Variants in EPB41L5 observed in about 807,000 individuals in gnomAD.
EPB41L5 encodes band 4.1-like protein 5.
EPB41L5 carries 55 observed loss-of-function variants against 106.6 expected under a neutral mutation model. The ratio of observed to expected loss-of-function variants is 0.52; its 90% CI spans 0.42 to 0.65. EPB41L5 has a LOEUF of 0.65. Ranked by LOEUF, EPB41L5 falls within the 30% of genes least tolerant of loss-of-function variation. The probability of loss-of-function intolerance (pLI) is 0.00; values close to 1 mark genes in which losing one functional copy is unlikely to be tolerated. For missense variants in EPB41L5, 871 were observed against 882.1 expected (o/e 0.99, Z 0.16); for synonymous variants, 297 against 306.7 (o/e 0.97, Z 0.33).
intron 20 of EPB41L5, among the ~76,000 whole-genome samples, chr2:120,147,624 C>CAAAAA (rs60980401): frequency 2.6e-5 from 2 of 75,562 alleles, no homozygotes; most frequent in African/African-American, 5.0e-5. Flanking sequence ...AACTCTGTCT[C>CAAAAA]AAAAAAAAAA....
At chr2:120,141,063 G>A (rs1686151945) in intron 18 of EPB41L5, among the ~76,000 whole-genome samples, 1 of 152,078 alleles carries the variant, frequency 6.6e-6, no homozygotes, top group Non-Finnish European at 1.5e-5. Flanking sequence ...AGTTGACAGT[G>A]TTGTAAGAGC....
intron 9 of EPB41L5, among the ~76,000 whole-genome samples, chr2:120,078,217 A>G (rs72841606): frequency 0.046 from 6,999 of 152,284 alleles, 230 homozygotes; most frequent in Non-Finnish European, 0.072. Flanking sequence ...AAGAATGTGG[A>G]AACAGCTTTG....
At chr2:120,169,365 A>G (rs1687564417) in intron 24 of EPB41L5, among the ~76,000 whole-genome samples, 1 of 152,250 alleles carries the variant, frequency 6.6e-6, no homozygotes, top group Non-Finnish European at 1.5e-5. Flanking sequence ...AGATCTAAAT[A>G]TGAAACATCA....
intron 1 of EPB41L5, among the ~76,000 whole-genome samples, chr2:120,015,739 G>A (rs1160941055): frequency 6.6e-6 from 1 of 151,916 alleles, no homozygotes; most frequent in African/African-American, 2.4e-5. Flanking sequence ...GAGGCCAGGA[G>A]TTTGAGACAA....
Position 120,076,987 on chromosome 2 carries a change from TG to T in EPB41L5, c.523del (p.Asp175IlefsTer47). The T allele has an allele frequency of 6.2e-7, 1 of 1,602,576 alleles. No individual in the cohort carries two copies. Among genetic ancestry groups the T allele is most frequent in the Non-Finnish European group, 8.5e-7 (1 of 1,174,682 alleles). Reference protein sequence around the residue: ...YNLQAELGDYDLAEHSPELVS... With the variant: ...YNLQAELGDYXLAEHSPELVS... ...TGTTTATAGCTGAACTTGGTGACTA[TG>T]ATCTTGCTGAGCATAGTCCTGAACT... is the stretch of plus-strand genomic sequence containing the variant. On this transcript the variant is annotated frameshift_variant, in exon 8 of 25. Transcript: ENST00000263713. LOFTEE classifies it high-confidence loss of function.
intron 2 of EPB41L5, among the ~76,000 whole-genome samples, chr2:120,023,648 T>A (rs1678097631): frequency 6.6e-6 from 1 of 152,198 alleles, no homozygotes; most frequent in Admixed American, 6.5e-5. Flanking sequence ...TTGCTTAGGA[T>A]TGTCTTGGCT....
chr2:120,166,529 C>T (rs1263990023), intron 22 of EPB41L5, among the ~76,000 whole-genome samples: 1 of 151,826 alleles, frequency 6.6e-6, no homozygotes, highest in Non-Finnish European at 1.5e-5. Flanking sequence ...ACTGCAACCT[C>T]CGCCTCCAAG....
At chr2:120,146,360 G>A in intron 20 of EPB41L5, 71 bp downstream of exon 20, 1 of 1,121,400 alleles carries the variant, frequency 8.9e-7, no homozygotes, top group Non-Finnish European at 1.3e-6. Context: ...TTCTCAGTCT[G>A]TCACCACATG....
chr2:120,156,298 C>T (rs1372367380), intron 20 of EPB41L5, among the ~76,000 whole-genome samples: 1 of 152,162 alleles, frequency 6.6e-6, no homozygotes, highest in Admixed American at 6.5e-5. Flanking sequence ...AGCATCCTGG[C>T]TTTTGCACTG....
chr2:120,141,027 G>C (rs1057211012), intron 18 of EPB41L5, among the ~76,000 whole-genome samples: 1 of 152,034 alleles, frequency 6.6e-6, no homozygotes, highest in Non-Finnish European at 1.5e-5. Flanking sequence ...TAATCTTAAG[G>C]CTCAGACTAG....
chr2:120,136,012 A>G (rs1455195478), intron 18 of EPB41L5, among the ~76,000 whole-genome samples: 1 of 152,042 alleles, frequency 6.6e-6, no homozygotes, highest in African/African-American at 2.4e-5. Context: ...AAGACTATCA[A>G]AAATGTAACT....
Position 120,127,782 on chromosome 2 carries a change from C to G in EPB41L5, c.1432C>G (p.Gln478Glu). 2 of 1,613,592 alleles carry G rather than the reference C, an allele frequency of 1.2e-6. No individual in the cohort carries two copies. The highest frequency in any genetic ancestry group is 1.1e-5 in the South Asian group (1 of 91,020). Residue 478 changes from glutamine to glutamate, a missense_variant, in exon 17 of 25, where the codon CAA becomes GAA. Transcript: ENST00000263713. ...IGASDTMETSQALNDVNVATR... is the reference protein window; with the variant it reads ...IGASDTMETSEALNDVNVATR... ...GGCATCTGACACTATGGAAACATCC[C>G]AAGCACTGAATGACGTTAATGTAGC...
chr2:120,154,073 A>C (rs966750076), intron 20 of EPB41L5, among the ~76,000 whole-genome samples: 4 of 146,976 alleles, frequency 2.7e-5, no homozygotes, highest in African/African-American at 1.0e-4. Flanking sequence ...CAGTTTCTCC[A>C]TTACTGTCTT....
chr2:120,025,408 G>T (rs1460959507), intron 2 of EPB41L5, among the ~76,000 whole-genome samples: 1 of 151,696 alleles, frequency 6.6e-6, no homozygotes, highest in African/African-American at 2.4e-5. Context: ...CTTGGTAAAT[G>T]TTCCTCCATC....
chr2:120,162,852 C>T (rs773011556), intron 21 of EPB41L5, among the ~76,000 whole-genome samples: 4 of 152,030 alleles, frequency 2.6e-5, no homozygotes, highest in Non-Finnish European at 5.9e-5. Flanking sequence ...TGGGAAGATG[C>T]GAGAGGAGAG....
At chr2:120,054,248 G>A (rs544842921) in intron 3 of EPB41L5, among the ~76,000 whole-genome samples, 6 of 152,292 alleles carry the variant, frequency 3.9e-5, no homozygotes, top group African/African-American at 1.4e-4. Context: ...ATTTTTTAAA[G>A]TGTGTTATTT....
intron 2 of EPB41L5, among the ~76,000 whole-genome samples, chr2:120,020,750 A>C (rs1387970459): frequency 6.6e-6 from 1 of 151,996 alleles, no homozygotes; most frequent in East Asian, 1.9e-4. Context: ...CTTATTACCT[A>C]ATGTTTGAAG....
chr2:120,042,227 T>G (rs1372912162), intron 3 of EPB41L5, 117 bp downstream of exon 3: 1 of 659,462 alleles, frequency 1.5e-6, no homozygotes, highest in African/African-American at 1.8e-5. Context: ...TATAAAGCTT[T>G]GACACCGCTC....
At chr2:120,067,988 C>A (rs1004388157) in intron 3 of EPB41L5, among the ~76,000 whole-genome samples, 1 of 152,122 alleles carries the variant, frequency 6.6e-6, no homozygotes, top group Non-Finnish European at 1.5e-5. Context: ...TGATGGCTGG[C>A]AAGATGGCCG....
Sources: gnomAD v4.1 joint callset for allele counts (sites outside exome capture counted in the v4.1 genomes callset) on GRCh38, gnomAD v4.1.1 for gene constraint, MANE v1.5 for transcripts, NCBI Gene and HGNC (gene_info 2026-07-23, HGNC 2026-07-21) for gene names.